DIAPH2: variants seen among roughly 807,000 people sequenced by gnomAD.
The protein encoded by DIAPH2 is protein diaphanous homolog 2.
A neutral mutation model predicts 92.7 loss-of-function variants in DIAPH2; 35 were observed. That is an observed-to-expected ratio of 0.38 (90% confidence interval 0.29 to 0.50). DIAPH2 has a LOEUF of 0.50. Ranked by LOEUF, DIAPH2 falls within the 20% of genes least tolerant of loss-of-function variation. The pLI, the probability that DIAPH2 is intolerant of heterozygous loss-of-function variation, is 0.94. For missense variants in DIAPH2, 701 were observed against 819.5 expected, an observed-to-expected ratio of 0.86 and a Z score of 1.77; for synonymous variants, 301 against 280.4, an observed-to-expected ratio of 1.07 and a Z score of -0.73.
chrX:97,503,912 A>AT (rs1280728038), intron 26 of DIAPH2, among the ~76,000 whole-genome samples: 1 of 111,423 alleles, frequency 9.0e-6, no homozygotes, highest in Non-Finnish European at 1.9e-5. Context: ...CTGCTTCAGA[A>AT]TTTTTTTTCA....
At chrX:96,867,216 T>A (rs779477436) in intron 4 of DIAPH2, among the ~76,000 whole-genome samples, 2 of 111,089 alleles carry the variant, frequency 1.8e-5, no homozygotes, top group African/African-American at 6.5e-5. Context: ...GGGTTTTTGT[T>A]TTGTTTTGTT....
intron 4 of DIAPH2, among the ~76,000 whole-genome samples, chrX:96,881,123 C>T (rs2065210129): frequency 9.0e-6 from 1 of 111,073 alleles, no homozygotes; most frequent in South Asian, 3.8e-4. Flanking sequence ...GGCTGATACT[C>T]TGATATCTTT....
At chrX:96,750,543 AC>A (rs1456497071) in intron 3 of DIAPH2, among the ~76,000 whole-genome samples, 1 of 111,597 alleles carries the variant, frequency 9.0e-6, no homozygotes, top group African/African-American at 3.2e-5. Flanking sequence ...GTGTAGGTTT[AC>A]CTGACTCAGG....
intron 22 of DIAPH2, among the ~76,000 whole-genome samples, chrX:97,229,822 T>G (rs2067994667): frequency 1.4e-5 from 1 of 71,991 alleles, no homozygotes; most frequent in African/African-American, 3.6e-5. Flanking sequence ...TTATTATATA[T>G]AATAACAATA....
chrX:97,240,342 C>T (rs1602441922), intron 22 of DIAPH2, among the ~76,000 whole-genome samples: 2 of 111,487 alleles, frequency 1.8e-5, no homozygotes, highest in East Asian at 2.8e-4. Flanking sequence ...CGCTGTGGCT[C>T]GCGCCTGTAA....
chrX:97,604,684 G>A lies in DIAPH2; in HGVS notation c.*5367G>A, dbSNP rs900647584. The A allele has an allele frequency of 8.9e-5, 10 of 112,195 alleles. No individual in the cohort carries two copies. Among genetic ancestry groups the A allele is most frequent in the Non-Finnish European group, 1.7e-4 (9 of 53,173 alleles). The allele number at this position is 112,195 out of a possible 1,213,427, so 9.2% of individuals were successfully genotyped here. On this transcript the variant is annotated 3_prime_UTR_variant, in exon 27 of 27. Transcript: ENST00000324765. ...CCTTTTATGACACCTTTGACCAAAT[G>A]CCTTCTATGGTTCACAGTGCAGGCA...
intron 17 of DIAPH2, among the ~76,000 whole-genome samples, chrX:97,048,249 A>G (rs1172651884): frequency 1.8e-5 from 2 of 109,134 alleles, no homozygotes; most frequent in Non-Finnish European, 3.8e-5. Context: ...TCCAATCTCC[A>G]TCTCCATCTC....
rs184194284 is a variant in DIAPH2 at position 96,846,310 on chromosome X, G to A, written c.448-35269G>A. On this transcript the variant is annotated intron_variant, in intron 4 of 26. Coordinates refer to ENST00000324765, the MANE Select transcript of DIAPH2 (RefSeq NM_006729.5). Reference sequence around the variant, plus strand: ...TTACAGGCATGTACCACCACGCCCGGCTAATTTTGTATTTTTAGCAGAGAC... The same window carrying A: ...TTACAGGCATGTACCACCACGCCCGACTAATTTTGTATTTTTAGCAGAGAC... Among the ~76,000 whole-genome samples, 302 of 108,676 alleles carry A rather than the reference G, an allele frequency of 2.8e-3. 1 individual carries two copies. Among genetic ancestry groups the A allele is most frequent in the South Asian group, 0.018 (43 of 2,425 alleles). The allele number at this position is 108,676 out of a possible 115,157, so 94.4% of individuals were successfully genotyped here. A position where few individuals can be genotyped will look rare whatever the true frequency, so the allele number is the denominator to read the frequency against.
intron 26 of DIAPH2, among the ~76,000 whole-genome samples, chrX:97,512,100 G>T (rs1430164986): frequency 4.4e-5 from 5 of 112,595 alleles, no homozygotes; most frequent in Non-Finnish European, 9.4e-5. Flanking sequence ...GTTCCTCCTT[G>T]TACCTCTGGT....
chrX:96,847,955 C>T (rs2064982714), intron 4 of DIAPH2, among the ~76,000 whole-genome samples: 1 of 111,697 alleles, frequency 9.0e-6, no homozygotes, highest in East Asian at 2.8e-4. Context: ...ATATGGTTGA[C>T]TGGTAATGAG....
Position 97,384,483 on chromosome X carries a change from C to A in DIAPH2, c.3145+439C>A, listed in dbSNP as rs765132468. On this transcript the variant is annotated intron_variant, in intron 25 of 26. Transcript: ENST00000324765. ...TTTAAGTCCTAAGAAATATTGACAG[C>A]ACTATTACAAGTTGAATAAAATAGG... Among the ~76,000 whole-genome samples the A allele has an allele frequency of 4.5e-4, 50 of 111,842 alleles. No homozygotes were observed. The South Asian group carries it at 6.0e-3, about 13-fold the overall frequency.
intron 7 of DIAPH2, among the ~76,000 whole-genome samples, 158 bp downstream of exon 7, chrX:96,912,710 C>T (rs2065476373): frequency 9.1e-6 from 1 of 110,221 alleles, no homozygotes; most frequent in African/African-American, 3.3e-5. Flanking sequence ...ATGCACAAAT[C>T]GACCCATCAA....
At chrX:97,498,242 CTG>C (rs1254112709) in intron 26 of DIAPH2, among the ~76,000 whole-genome samples, 1 of 112,233 alleles carries the variant, frequency 8.9e-6, no homozygotes, top group Non-Finnish European at 1.9e-5. Context: ...AATGAACTCT[CTG>C]TTCTCCTTTC....
intron 23 of DIAPH2, among the ~76,000 whole-genome samples, chrX:97,285,383 CAAAAAAAAAA>C (rs11336007): frequency 0.013 from 493 of 38,125 alleles, 7 homozygotes; most frequent in African/African-American, 0.053. Context: ...ACTAAAAATA[CAAAAAAAAAA>C]AAAAAAAAAA....
At chrX:97,369,958 G>A (rs1412291828) in intron 24 of DIAPH2, among the ~76,000 whole-genome samples, 1 of 111,544 alleles carries the variant, frequency 9.0e-6, no homozygotes, top group African/African-American at 3.3e-5. Flanking sequence ...TTAACTGATA[G>A]TAAGACAGTG....
intron 10 of DIAPH2, among the ~76,000 whole-genome samples, chrX:96,931,873 C>G: frequency 9.0e-6 from 1 of 111,222 alleles, no homozygotes; most frequent in Non-Finnish European, 1.9e-5. Context: ...TTGGAAATTT[C>G]TATGTCAATC....
chrX:97,584,933 A>G (rs1324064665), intron 26 of DIAPH2, among the ~76,000 whole-genome samples: 4 of 112,509 alleles, frequency 3.6e-5, no homozygotes, highest in Non-Finnish European at 7.5e-5. Context: ...CACAGTTCTC[A>G]TATGTCCAGC....
chrX:97,173,402 AAATAAT>A (rs746358899), intron 22 of DIAPH2, among the ~76,000 whole-genome samples: 1 of 111,622 alleles, frequency 9.0e-6, no homozygotes, highest in Admixed American at 9.6e-5. Context: ...CCCAGTCTCA[AAATAAT>A]AATAATAATA....
At chrX:97,330,737 T>C (rs1187081868) in intron 23 of DIAPH2, among the ~76,000 whole-genome samples, 8 of 111,344 alleles carry the variant, frequency 7.2e-5, no homozygotes, top group Non-Finnish European at 1.5e-4. Flanking sequence ...GGTCTTGAAC[T>C]CCTAACCTCA....
Sources: gnomAD v4.1 joint callset for allele counts (sites outside exome capture counted in the v4.1 genomes callset) on GRCh38, gnomAD v4.1.1 for gene constraint, MANE v1.5 for transcripts, NCBI Gene and HGNC (gene_info 2026-07-23, HGNC 2026-07-21) for gene names.